The following MYO7A variants were observed in gnomAD, a reference collection of about 807,000 sequenced individuals.
MYO7A encodes the protein unconventional myosin-VIIa.
MYO7A carries 210 observed loss-of-function variants against 263.8 expected under a neutral mutation model. The observed-to-expected ratio is 0.80, with a 90% confidence interval of 0.71 to 0.89. MYO7A has a LOEUF of 0.89. MYO7A is among the 40% of genes least tolerant of loss of function. MYO7A has a pLI of 0.00. For synonymous variants in MYO7A, 1,239 were observed against 1,197.3 expected (o/e 1.03, Z -0.72); for missense variants, 2,820 against 2,968.3 (o/e 0.95, Z 1.16).
At position 77,184,720 on chromosome 11, in the gene MYO7A, G is replaced by T; in HGVS notation, c.3503+5G>T. 2 of 1,555,326 alleles carry T rather than the reference G, an allele frequency of 1.3e-6. No homozygotes were observed. Among genetic ancestry groups the T allele is most frequent in the Admixed American group, 1.9e-5 (1 of 53,676 alleles). On this transcript the variant is annotated splice_donor_5th_base_variant and intron_variant, in intron 27 of 48. Coordinates refer to ENST00000409709, the MANE Select transcript of MYO7A (RefSeq NM_000260.4). ...CATCCTGCGGCCAGCACTCCGGTCA[G>T]TGCCGGGAGGCGGGGACACCAGGGC...
At chr11:77,194,574 C>G in intron 32 of MYO7A, 50 bp downstream of exon 32, 1 of 1,516,118 alleles carries the variant, frequency 6.6e-7, no homozygotes, top group Admixed American at 2.1e-5. Flanking sequence ...CCTGAACAAC[C>G]AAGGAGGTCC....
intron 2 of MYO7A, chr11:77,142,414 G>A: frequency 2.1e-6 from 1 of 470,444 alleles, no homozygotes; most frequent in Non-Finnish European, 4.2e-6. Context: ...GTAGGGTGTA[G>A]ATCCATGGGG....
At chr11:77,160,306 T>G in intron 11 of MYO7A, 24 bp downstream of exon 11, 2 of 1,546,650 alleles carry the variant, frequency 1.3e-6, no homozygotes, top group Non-Finnish European at 1.7e-6. Context: ...AAGGGGCCGC[T>G]TGCTCGCCCT....
intron 25 of MYO7A, 90 bp from the exon 26 acceptor site, chr11:77,182,978 C>A: frequency 2.7e-6 from 3 of 1,131,026 alleles, no homozygotes; most frequent in Non-Finnish European, 3.9e-6. Context: ...CACGTGGAAG[C>A]GAGACGGTTC....
intron 35 of MYO7A, among the ~76,000 whole-genome samples, chr11:77,200,304 A>C (rs1357627332): frequency 6.6e-6 from 1 of 152,048 alleles, no homozygotes; most frequent in Non-Finnish European, 1.5e-5. Context: ...AAGAGAAAAA[A>C]GATGGCACCA....
At chr11:77,199,954 C>T in intron 35 of MYO7A, 136 bp downstream of exon 35, 1 of 979,920 alleles carries the variant, frequency 1.0e-6, no homozygotes, top group Non-Finnish European at 1.4e-6. Flanking sequence ...ATTTGGCTCA[C>T]AGTTCTGCAG....
chr11:77,135,712 T>A (rs1335557775), intron 2 of MYO7A, among the ~76,000 whole-genome samples: 5 of 149,936 alleles, frequency 3.3e-5, no homozygotes, highest in Non-Finnish European at 5.9e-5. Context: ...TTCCATTTTC[T>A]CCACATCTTT....
chr11:77,181,727 G>T, intron 23 of MYO7A, 138 bp downstream of exon 23: 1 of 887,764 alleles, frequency 1.1e-6, no homozygotes, highest in Non-Finnish European at 1.7e-6. Flanking sequence ...GGTCCGGGCT[G>T]CAGGTCCCAG....
At chr11:77,180,273 C>A (rs1202511329) in intron 21 of MYO7A, 101 bp from the exon 22 acceptor site, 2 of 477,100 alleles carry the variant, frequency 4.2e-6, no homozygotes, top group African/African-American at 4.4e-5. Context: ...CAAAGTCATG[C>A]CCAGTTCCAG....
chr11:77,156,100 C>A lies in MYO7A; in HGVS notation c.470+9C>A. On this transcript the variant is annotated intron_variant, in intron 5 of 48. Transcript: ENST00000409709. Reference sequence around the variant, plus strand: ...CAGTGCTGCATCATCAGGTGGGCGGCCCAGCACCTGTGTGGAGCTCCAGGC... The same window carrying A: ...CAGTGCTGCATCATCAGGTGGGCGGACCAGCACCTGTGTGGAGCTCCAGGC... 6.2e-7 allele frequency: 1 copy of A among 1,613,050 alleles called. No individual in the cohort carries two copies.
intron 17 of MYO7A, 136 bp downstream of exon 17, chr11:77,175,050 G>T: frequency 8.6e-7 from 1 of 1,156,612 alleles, no homozygotes. Flanking sequence ...GGAAAATTGG[G>T]GTTCAGGTAT....
intron 41 of MYO7A, chr11:77,206,873 C>G (rs1591489040): frequency 6.0e-6 from 1 of 168,034 alleles, no homozygotes; most frequent in Non-Finnish European, 1.3e-5. Flanking sequence ...CTCCAGACAT[C>G]TCTCCTGCCA....
chr11:77,189,322 C>T (rs554166195), intron 27 of MYO7A, 22 bp from the exon 28 acceptor site: 5 of 1,612,318 alleles, frequency 3.1e-6, no homozygotes, highest in Non-Finnish European at 8.5e-7. Flanking sequence ...ATTCCCCCTC[C>T]CTTGCCCTGC....
intron 27 of MYO7A, among the ~76,000 whole-genome samples, chr11:77,186,178 C>T (rs1955634983): frequency 6.6e-6 from 1 of 152,154 alleles, no homozygotes; most frequent in South Asian, 2.1e-4. Flanking sequence ...CCTCAGCCTC[C>T]CAAAATGCTG....
rs1229891900 is a variant in MYO7A at position 77,172,943 on chromosome 11, G to A, written c.1935+58G>A. 12 of 1,511,400 alleles carry A rather than the reference G, an allele frequency of 7.9e-6. No homozygotes were observed. In the East Asian group the frequency reaches 2.7e-4, roughly 34 times the overall value. The allele number at this position is 1,511,400 out of a possible 1,614,324, so 93.6% of individuals were successfully genotyped here. On this transcript the variant is annotated intron_variant, in intron 16 of 48. Coordinates refer to ENST00000409709, the MANE Select transcript of MYO7A (RefSeq NM_000260.4). ...CGGCTAGGGTGACGTGGAGGAGCTA[G>A]GTCAAGAATAAGGTAGGGTGGGAGT... is the stretch of plus-strand genomic sequence containing the variant.
chr11:77,160,156 G>A lies in MYO7A; in HGVS notation c.1081-7G>A, dbSNP rs782664993. On this transcript the variant is annotated splice_polypyrimidine_tract_variant and splice_region_variant and intron_variant, in intron 10 of 48. Coordinates refer to ENST00000409709, the MANE Select transcript of MYO7A (RefSeq NM_000260.4). Reference sequence around the variant, plus strand: ...CAGGTGAGCACCTGGGGTGTTGCCTGTACCAGGTGAACCCCCCAGACCTGA... The same window carrying A: ...CAGGTGAGCACCTGGGGTGTTGCCTATACCAGGTGAACCCCCCAGACCTGA... 3.2e-6 allele frequency: 5 copies of A among 1,553,976 alleles called. No individual in the cohort carries two copies. In the Admixed American group the frequency reaches 5.8e-5, roughly 18 times the overall value.
At chr11:77,150,469 A>T (rs1261859778) in intron 4 of MYO7A, among the ~76,000 whole-genome samples, 2 of 152,190 alleles carry the variant, frequency 1.3e-5, no homozygotes, top group African/African-American at 4.8e-5. Flanking sequence ...TAGCTTGGAC[A>T]TTACATCCTC....
intron 39 of MYO7A, among the ~76,000 whole-genome samples, chr11:77,205,173 G>A (rs1046808653): frequency 3.9e-5 from 6 of 152,210 alleles, no homozygotes; most frequent in African/African-American, 7.2e-5. Flanking sequence ...ATGGTAACCC[G>A]GTGGCTTTTC....
intron 15 of MYO7A, among the ~76,000 whole-genome samples, chr11:77,172,307 A>G (rs1309133792): frequency 1.3e-5 from 2 of 152,240 alleles, no homozygotes; most frequent in Admixed American, 6.5e-5. Flanking sequence ...GTGGTGGGCC[A>G]GGGCTTGAAT....
Sources: allele counts gnomAD v4.1 joint callset (sites outside exome capture counted in the v4.1 genomes callset), GRCh38; gene constraint gnomAD v4.1.1; transcripts MANE v1.5; gene names NCBI Gene and HGNC (gene_info 2026-07-23, HGNC 2026-07-21).